Variants in ST6GAL1 observed in about 807,000 individuals in gnomAD.
The protein encoded by ST6GAL1 is beta-galactoside alpha-2,6-sialyltransferase 1.
A neutral mutation model predicts 38.0 loss-of-function variants in ST6GAL1; 20 were observed. That is an observed-to-expected ratio of 0.53 (90% CI 0.37 to 0.77). ST6GAL1 has a LOEUF of 0.77. Among genes scored for constraint, ST6GAL1 ranks in the 30% least tolerant of loss-of-function variants. The pLI, the probability that ST6GAL1 is intolerant of heterozygous loss-of-function variation, is 0.00. For synonymous variants in ST6GAL1, 196 were observed against 188.2 expected, an observed-to-expected ratio of 1.04 and a Z score of -0.34; for missense variants, 432 against 496.4, an observed-to-expected ratio of 0.87 and a Z score of 1.23.
chr3:186,980,529 G>A (rs1253253673), intron 2 of ST6GAL1, among the ~76,000 whole-genome samples: 1 of 150,858 alleles, frequency 6.6e-6, no homozygotes, highest in Non-Finnish European at 1.5e-5. Context: ...GGAAGCCAAG[G>A]CAGGTGGATC....
intron 5 of ST6GAL1, among the ~76,000 whole-genome samples, chr3:187,065,813 A>G (rs1553836464): frequency 6.6e-6 from 1 of 152,298 alleles, no homozygotes; most frequent in African/African-American, 2.4e-5. Context: ...TAAATATATT[A>G]TATATACCAT....
At chr3:186,977,611 G>A (rs932777976) in intron 2 of ST6GAL1, among the ~76,000 whole-genome samples, 12 of 152,276 alleles carry the variant, frequency 7.9e-5, no homozygotes, top group Admixed American at 1.3e-4. Context: ...GAGGGCGGAA[G>A]GCAACTTGGA....
At chr3:186,937,918 C>CA (rs1032959196) in intron 1 of ST6GAL1, among the ~76,000 whole-genome samples, 7 of 151,888 alleles carry the variant, frequency 4.6e-5, no homozygotes, top group Admixed American at 1.3e-4. Flanking sequence ...ACCAAAAATA[C>CA]AAAAAAACAG....
At chr3:186,960,967 ATC>A (rs1714915129) in intron 1 of ST6GAL1, among the ~76,000 whole-genome samples, 1 of 128,224 alleles carries the variant, frequency 7.8e-6, no homozygotes, top group African/African-American at 3.1e-5. Context: ...CCATCATTTG[ATC>A]TTTTTTTTTT....
intron 2 of ST6GAL1, among the ~76,000 whole-genome samples, chr3:186,990,900 T>C (rs1174646064): frequency 6.6e-6 from 1 of 151,804 alleles, no homozygotes; most frequent in Non-Finnish European, 1.5e-5. Flanking sequence ...TAAGTTCTCC[T>C]CACTCCCTCT....
chr3:186,973,623 A>G (rs1715426075), intron 2 of ST6GAL1, among the ~76,000 whole-genome samples: 1 of 152,194 alleles, frequency 6.6e-6, no homozygotes, highest in African/African-American at 2.4e-5. Flanking sequence ...TCACCTGTAG[A>G]CAGAGCAATA....
At chr3:187,048,846 C>G (rs1207101013) in intron 4 of ST6GAL1, among the ~76,000 whole-genome samples, 1 of 151,008 alleles carries the variant, frequency 6.6e-6, no homozygotes, top group Non-Finnish European at 1.5e-5. Context: ...CCACTCTCAC[C>G]CTTTTCCATC....
intron 2 of ST6GAL1, among the ~76,000 whole-genome samples, chr3:186,988,233 ACT>A (rs1716022326): frequency 6.6e-6 from 1 of 152,114 alleles, no homozygotes; most frequent in Non-Finnish European, 1.5e-5. Context: ...GTAAATGTGG[ACT>A]GGATGATGGT....
chr3:187,051,196 T>A, intron 4 of ST6GAL1, 53 bp from the exon 5 acceptor site: 2 of 1,511,254 alleles, frequency 1.3e-6, no homozygotes, highest in Non-Finnish European at 1.8e-6. Context: ...TTTCTCTTTT[T>A]CTGCATATTG....
At chr3:186,961,654 G>A (rs1422457366) in intron 1 of ST6GAL1, among the ~76,000 whole-genome samples, 2 of 152,184 alleles carry the variant, frequency 1.3e-5, no homozygotes, top group East Asian at 3.9e-4. Context: ...GAGTGACAGG[G>A]CATGAGGCTG....
At chr3:186,977,520 A>T (rs55958900) in intron 2 of ST6GAL1, among the ~76,000 whole-genome samples, 4 of 152,142 alleles carry the variant, frequency 2.6e-5, no homozygotes, top group Non-Finnish European at 5.9e-5. Context: ...TGAAAAGCTC[A>T]GAGCTACAAG....
chr3:186,971,527 G>A (rs948080292), intron 2 of ST6GAL1, among the ~76,000 whole-genome samples: 1 of 152,180 alleles, frequency 6.6e-6, no homozygotes, highest in Non-Finnish European at 1.5e-5. Flanking sequence ...ACCACAGCCT[G>A]TACTCCTTAA....
At chr3:186,962,476 G>T (rs2108526573) in intron 1 of ST6GAL1, among the ~76,000 whole-genome samples, 1 of 152,290 alleles carries the variant, frequency 6.6e-6, no homozygotes, top group South Asian at 2.1e-4. Flanking sequence ...ATTTCCACTA[G>T]AAATGGTTAC....
At chr3:186,954,735 A>C (rs923694795) in intron 1 of ST6GAL1, among the ~76,000 whole-genome samples, 3 of 152,124 alleles carry the variant, frequency 2.0e-5, no homozygotes, top group African/African-American at 4.8e-5. Context: ...GAGCTTTGTC[A>C]AATGGATAGA....
intron 2 of ST6GAL1, among the ~76,000 whole-genome samples, chr3:187,026,365 T>G (rs936671447): frequency 6.6e-6 from 1 of 152,206 alleles, no homozygotes; most frequent in Admixed American, 6.5e-5. Flanking sequence ...GTGCTCGCCT[T>G]GGGCACTGTT....
chr3:187,061,789 CTTTATGACATCAGATTTGGCAATGA>C (rs752711440), intron 5 of ST6GAL1, among the ~76,000 whole-genome samples: 2 of 152,214 alleles, frequency 1.3e-5, no homozygotes, highest in South Asian at 4.1e-4. Context: ...AGGGCAAAAA[CTTTATGACATCAGATTTGGCAATGA>C]TTTCGTCATT....
At chr3:186,958,973 TAAATAAA>T (rs1286614010) in intron 1 of ST6GAL1, among the ~76,000 whole-genome samples, 10 of 6,908 alleles carry the variant, frequency 1.4e-3, no homozygotes, top group East Asian at 6.2e-3. Context: ...AAAAATTAAA[TAAATAAA>T]TAAATAAATA....
intron 2 of ST6GAL1, among the ~76,000 whole-genome samples, chr3:186,974,394 A>G (rs776580027): frequency 1.3e-5 from 2 of 152,122 alleles, no homozygotes; most frequent in Non-Finnish European, 2.9e-5. Context: ...AACTCACTTT[A>G]TCACTCAGCC....
intron 2 of ST6GAL1, among the ~76,000 whole-genome samples, chr3:187,008,748 A>G (rs1350682006): frequency 6.6e-6 from 1 of 152,192 alleles, no homozygotes; most frequent in Non-Finnish European, 1.5e-5. Flanking sequence ...ACACACAAAC[A>G]TAAATCTCAT....
Sources: gnomAD v4.1 joint callset for allele counts (sites outside exome capture counted in the v4.1 genomes callset) on GRCh38, gnomAD v4.1.1 for gene constraint, MANE v1.5 for transcripts, NCBI Gene and HGNC (gene_info 2026-07-23, HGNC 2026-07-21) for gene names.